MITF: variants seen among roughly 807,000 people sequenced by gnomAD.
MITF encodes microphthalmia-associated transcription factor.
Under a neutral mutation model 60.5 loss-of-function variants are expected in MITF, and 17 were observed. The observed-to-expected ratio is 0.28, with a 90% CI of 0.19 to 0.42. The LOEUF is 0.42. Among genes scored for constraint, MITF ranks in the 10% least tolerant of loss-of-function variants. MITF has a pLI of 1.00. For synonymous variants in MITF, 260 were observed against 248.5 expected (o/e 1.05, Z -0.43); for missense variants, 622 against 683.5 (o/e 0.91, Z 1.00).
At chr3:69,828,860 A>G (rs1212597739) in intron 1 of MITF, among the ~76,000 whole-genome samples, 2 of 146,136 alleles carry the variant, frequency 1.4e-5, no homozygotes, top group South Asian at 2.1e-4. Context: ...GACAAATTTA[A>G]TAGGAAGCAG....
At chr3:69,858,452 G>A (rs2107202993) in intron 1 of MITF, among the ~76,000 whole-genome samples, 1 of 152,192 alleles carries the variant, frequency 6.6e-6, no homozygotes, top group South Asian at 2.1e-4. Flanking sequence ...AACATAAGGT[G>A]ATTTATTTAG....
At chr3:69,865,814 C>T (rs911406594) in intron 1 of MITF, among the ~76,000 whole-genome samples, 3 of 152,126 alleles carry the variant, frequency 2.0e-5, no homozygotes, top group Admixed American at 6.5e-5. Context: ...AGTTGATGCC[C>T]GAGAGCTCCC....
At chr3:69,862,734 T>A (rs1311540955) in intron 1 of MITF, among the ~76,000 whole-genome samples, 3 of 152,332 alleles carry the variant, frequency 2.0e-5, no homozygotes, top group Non-Finnish European at 4.4e-5. Flanking sequence ...GATGGTTGAT[T>A]ACTTTAAATC....
chr3:69,900,875 C>A (rs2064980277), intron 2 of MITF, among the ~76,000 whole-genome samples: 1 of 152,132 alleles, frequency 6.6e-6, no homozygotes, highest in Non-Finnish European at 1.5e-5. Flanking sequence ...CATTTGTTAA[C>A]TATTAAAATC....
chr3:69,834,180 C>A (rs1242897890), intron 1 of MITF, among the ~76,000 whole-genome samples: 1 of 152,162 alleles, frequency 6.6e-6, no homozygotes, highest in African/African-American at 2.4e-5. Context: ...TCAAAAACCT[C>A]TTTTCTAGCT....
intron 1 of MITF, chr3:69,752,412 C>T (rs1222485115): frequency 6.6e-6 from 1 of 152,122 alleles, no homozygotes; most frequent in African/African-American, 2.4e-5. Context: ...CAGCGAAGTC[C>T]AGGCTGAGGA....
chr3:69,850,028 A>T (rs775792679), intron 1 of MITF, among the ~76,000 whole-genome samples: 1 of 152,174 alleles, frequency 6.6e-6, no homozygotes, highest in Non-Finnish European at 1.5e-5. Flanking sequence ...TGCCTGTGTG[A>T]ATTTTCTCTG....
At position 69,967,524 on chromosome 3, in the gene MITF, GAC is replaced by G; in HGVS notation, c.*2277_*2278del. The G allele has an allele frequency of 4.3e-6, 1 of 233,528 alleles. No individual in the cohort carries two copies. Among genetic ancestry groups the G allele is most frequent in the Non-Finnish European group, 8.5e-6 (1 of 117,890 alleles). 14.5% of individuals were successfully genotyped at this position (233,528 alleles called of 1,614,324 possible). ...GACTAACCTACGGCCACGGGAACAG[GAC>G]CATGGTTAAGCAACCATATAGAAAG... On this transcript the variant is annotated 3_prime_UTR_variant, in exon 10 of 10. Coordinates refer to ENST00000352241, the MANE Select transcript of MITF (RefSeq NM_001354604.2).
intron 1 of MITF, among the ~76,000 whole-genome samples, chr3:69,867,416 G>C (rs892713569): frequency 6.6e-6 from 1 of 151,954 alleles, no homozygotes; most frequent in Non-Finnish European, 1.5e-5. Flanking sequence ...TCTTATAAAA[G>C]GTAGTTTTAA....
At chr3:69,782,382 C>G in intron 1 of MITF, among the ~76,000 whole-genome samples, 1 of 152,182 alleles carries the variant, frequency 6.6e-6, no homozygotes, top group East Asian at 1.9e-4. Context: ...TAGTAGCTAA[C>G]ATTTATTGAA....
intron 6 of MITF, 138 bp from the exon 7 acceptor site, chr3:69,951,674 A>G: frequency 1.5e-6 from 1 of 679,350 alleles, no homozygotes. Flanking sequence ...AAAAGATATC[A>G]TTTTTAAAAA....
intron 1 of MITF, among the ~76,000 whole-genome samples, chr3:69,845,749 G>T (rs1209074332): frequency 6.6e-6 from 1 of 151,972 alleles, no homozygotes; most frequent in Non-Finnish European, 1.5e-5. Flanking sequence ...TGATTTTCTT[G>T]GTCTGCAACC....
chr3:69,744,037 A>T (rs1703631560), intron 1 of MITF, among the ~76,000 whole-genome samples: 1 of 152,224 alleles, frequency 6.6e-6, no homozygotes, highest in Non-Finnish European at 1.5e-5. Flanking sequence ...TGCAAATTAG[A>T]AATGGGAATG....
At chr3:69,757,609 G>A (rs138949662) in intron 1 of MITF, among the ~76,000 whole-genome samples, 1 of 152,126 alleles carries the variant, frequency 6.6e-6, no homozygotes, top group African/African-American at 2.4e-5. Flanking sequence ...GGTGTTGAGA[G>A]TTAGGACACC....
intron 2 of MITF, among the ~76,000 whole-genome samples, chr3:69,888,001 G>A (rs1447568149): frequency 1.3e-5 from 2 of 151,926 alleles, no homozygotes; most frequent in African/African-American, 4.8e-5. Flanking sequence ...CAAGGTGTAG[G>A]AATCCTGCAA....
intron 1 of MITF, among the ~76,000 whole-genome samples, chr3:69,853,085 A>G (rs1335283452): frequency 6.6e-6 from 1 of 152,094 alleles, no homozygotes; most frequent in African/African-American, 2.4e-5. Flanking sequence ...TAATTTTGTG[A>G]CCATAGTTGC....
At chr3:69,862,619 C>A (rs183406497) in intron 1 of MITF, among the ~76,000 whole-genome samples, 2 of 152,224 alleles carry the variant, frequency 1.3e-5, no homozygotes, top group East Asian at 3.9e-4. Context: ...CAAGTAAAAT[C>A]CCTTATCTCT....
chr3:69,966,649 T>G lies in MITF; in HGVS notation c.*1401T>G, dbSNP rs1378061372. On this transcript the variant is annotated 3_prime_UTR_variant, in exon 10 of 10. Coordinates refer to ENST00000352241, the MANE Select transcript of MITF (RefSeq NM_001354604.2). ...TTTAACAAGAAGCAATGTTATAAAGTTAGTTTCAGTGCATTATCTACTTGT... is the reference window on the plus strand; with the variant it reads ...TTTAACAAGAAGCAATGTTATAAAGGTAGTTTCAGTGCATTATCTACTTGT... 4.3e-6 allele frequency: 1 copy of G among 233,030 alleles called. No homozygotes were observed. The highest frequency in any genetic ancestry group is 8.5e-6 in the Non-Finnish European group (1 of 117,762). The allele number at this position is 233,030 out of a possible 1,614,324, so 14.4% of individuals were successfully genotyped here.
At position 69,965,095 on chromosome 3, in the gene MITF, A is replaced by G; in HGVS notation, c.1428A>G (p.Lys476=). 1 of 1,614,052 alleles carries G rather than the reference A, an allele frequency of 6.2e-7. No homozygotes were observed. Among genetic ancestry groups the G allele is most frequent in the Non-Finnish European group, 8.5e-7 (1 of 1,179,998 alleles). The stretch of plus-strand genomic sequence containing the variant: ...ACCAAGCCTATAGTGTCCCCACAAA[A>G]ATGGGATCCAAACTGGAAGACATCC... ...EANQAYSVPT[K]MGSKLEDILM... The change falls in exon 10 of 10, where the codon AAA becomes AAG. Residue 476 remains lysine, a synonymous_variant. Coordinates refer to ENST00000352241, the MANE Select transcript of MITF (RefSeq NM_001354604.2).
Sources: allele counts gnomAD v4.1 joint callset (sites outside exome capture counted in the v4.1 genomes callset), GRCh38; gene constraint gnomAD v4.1.1; transcripts MANE v1.5; gene names NCBI Gene and HGNC (gene_info 2026-07-23, HGNC 2026-07-21).